Variants in ZSWIM6 observed in about 807,000 individuals in gnomAD.
ZSWIM6 encodes the protein zinc finger SWIM domain-containing protein 6.
ZSWIM6 carries 9 observed loss-of-function variants against 113.2 expected under a neutral mutation model. That is an observed-to-expected ratio of 0.08 (90% CI 0.05 to 0.14). The LOEUF is 0.14. ZSWIM6 is among the 10% of genes least tolerant of loss of function. The pLI, the probability that ZSWIM6 is intolerant of heterozygous loss-of-function variation, is 1.00. For missense variants in ZSWIM6, 1,162 were observed against 1,552.2 expected (o/e 0.75, Z 4.22); for synonymous variants, 611 against 606.5 (o/e 1.01, Z -0.11).
At chr5:61,388,901 A>T (rs1052520828) in intron 1 of ZSWIM6, among the ~76,000 whole-genome samples, 1 of 152,198 alleles carries the variant, frequency 6.6e-6, no homozygotes, top group Admixed American at 6.6e-5. Context: ...TTTTGAACTT[A>T]GTTCATGAGT....
At chr5:61,527,592 T>G (rs946811093) in intron 7 of ZSWIM6, among the ~76,000 whole-genome samples, 2 of 152,198 alleles carry the variant, frequency 1.3e-5, no homozygotes, top group African/African-American at 2.4e-5. Flanking sequence ...CACTGGTGTG[T>G]GCAAAATACA....
At chr5:61,530,243 C>T (rs1013366224) in intron 8 of ZSWIM6, 45 bp downstream of exon 8, 3 of 1,508,748 alleles carry the variant, frequency 2.0e-6, no homozygotes, top group Non-Finnish European at 2.7e-6. Context: ...TTTTTCTAAA[C>T]CCTGAATGGC....
chr5:61,540,621 T>C (rs1749702506), intron 12 of ZSWIM6, among the ~76,000 whole-genome samples: 1 of 152,166 alleles, frequency 6.6e-6, no homozygotes, highest in Admixed American at 6.5e-5. Context: ...AGATTGCTTT[T>C]AAGCTATATA....
At chr5:61,460,206 A>G (rs888386019) in intron 1 of ZSWIM6, among the ~76,000 whole-genome samples, 3 of 152,206 alleles carry the variant, frequency 2.0e-5, no homozygotes, top group African/African-American at 4.8e-5. Context: ...TCCTGGAGAA[A>G]AATCACAAAA....
intron 4 of ZSWIM6, among the ~76,000 whole-genome samples, chr5:61,511,548 G>A (rs1454484830): frequency 6.6e-6 from 1 of 152,076 alleles, no homozygotes; most frequent in Admixed American, 6.6e-5. Context: ...AGATGATAAG[G>A]GTGAAGCCCT....
intron 10 of ZSWIM6, among the ~76,000 whole-genome samples, chr5:61,538,279 A>G (rs1290157711): frequency 1.3e-5 from 2 of 152,240 alleles, no homozygotes; most frequent in Non-Finnish European, 1.5e-5. Flanking sequence ...TTGTTCAGAA[A>G]GTATGAATGG....
At chr5:61,455,013 G>A (rs1341188205) in intron 1 of ZSWIM6, among the ~76,000 whole-genome samples, 1 of 151,850 alleles carries the variant, frequency 6.6e-6, no homozygotes, top group African/African-American at 2.4e-5. Context: ...TTCTTGGGGA[G>A]TAGTATTGAG....
At chr5:61,539,960 CT>C (rs1226962685) in intron 12 of ZSWIM6, among the ~76,000 whole-genome samples, 1 of 152,034 alleles carries the variant, frequency 6.6e-6, no homozygotes, top group African/African-American at 2.4e-5. Flanking sequence ...GGTGCATGGA[CT>C]GTACATTTAG....
chr5:61,349,256 A>G (rs750596505), intron 1 of ZSWIM6, among the ~76,000 whole-genome samples: 1 of 152,206 alleles, frequency 6.6e-6, no homozygotes, highest in Non-Finnish European at 1.5e-5. Flanking sequence ...TGAAAGATGA[A>G]TCTGCTAGTT....
chr5:61,420,491 A>AT (rs35661776), intron 1 of ZSWIM6, among the ~76,000 whole-genome samples: 17,885 of 148,494 alleles, frequency 0.12, 1,106 homozygotes, highest in Middle Eastern at 0.16. Context: ...CCAGAACACA[A>AT]TTTTTTTTTT....
intron 4 of ZSWIM6, among the ~76,000 whole-genome samples, chr5:61,511,732 T>C (rs1462969266): frequency 6.6e-6 from 1 of 152,148 alleles, no homozygotes; most frequent in African/African-American, 2.4e-5. Context: ...GCAGTAAATG[T>C]TTGTTGTTTA....
At chr5:61,386,015 C>T (rs1745586001) in intron 1 of ZSWIM6, among the ~76,000 whole-genome samples, 1 of 152,176 alleles carries the variant, frequency 6.6e-6, no homozygotes, top group African/African-American at 2.4e-5. Flanking sequence ...GCACTATTGC[C>T]CAGCAATTGG....
chr5:61,332,738 T>G lies in ZSWIM6; in HGVS notation c.466T>G (p.Ser156Ala). The G allele has an allele frequency of 1.1e-6, 1 of 940,404 alleles. No homozygotes were observed. Among genetic ancestry groups the G allele is most frequent in the Non-Finnish European group, 1.2e-6 (1 of 802,486 alleles). The allele number at this position is 940,404 out of a possible 1,614,324, so 58.3% of individuals were successfully genotyped here. Reference protein sequence around the residue: ...GAGGGGGGGSSSSPAATSAAA... With the variant: ...GAGGGGGGGSASSPAATSAAA... ...GGGCGGCGGCGGCGGCGGCGGCTCC[T>G]CGTCTTCCCCGGCCGCAACCTCGGC... The change falls in exon 1 of 14, where the codon TCG (serine) becomes GCG (alanine). Residue 156 changes from serine (S) to alanine (A), a missense_variant. Around this residue, in one of 4 missense-constraint regions of ZSWIM6, gnomAD observed 333 missense variants for 293.4 expected, o/e 1.13. Transcript: ENST00000252744.
chr5:61,345,603 G>A (rs1261815509), intron 1 of ZSWIM6, among the ~76,000 whole-genome samples: 1 of 152,186 alleles, frequency 6.6e-6, no homozygotes, highest in East Asian at 1.9e-4. Context: ...GATGATTTGT[G>A]TTGTACCATG....
At chr5:61,402,196 TCAA>T (rs1745952348) in intron 1 of ZSWIM6, among the ~76,000 whole-genome samples, 1 of 152,180 alleles carries the variant, frequency 6.6e-6, no homozygotes, top group Non-Finnish European at 1.5e-5. Flanking sequence ...GTGTAAAGTA[TCAA>T]GCAGCAAATA....
intron 2 of ZSWIM6, among the ~76,000 whole-genome samples, chr5:61,487,495 C>CGTAAA (rs1748052211): frequency 6.6e-6 from 1 of 151,854 alleles, no homozygotes; most frequent in South Asian, 2.1e-4. Flanking sequence ...ATAGGGTCAT[C>CGTAAA]TTACCTATAT....
At chr5:61,500,125 T>TTATTA (rs1748426130) in intron 4 of ZSWIM6, among the ~76,000 whole-genome samples, 1 of 149,254 alleles carries the variant, frequency 6.7e-6, no homozygotes, top group South Asian at 2.1e-4. Context: ...ATTATTATTA[T>TTATTA]TATCATTATC....
intron 4 of ZSWIM6, among the ~76,000 whole-genome samples, chr5:61,510,175 C>T (rs924313066): frequency 6.6e-6 from 1 of 151,388 alleles, no homozygotes; most frequent in Non-Finnish European, 1.5e-5. Flanking sequence ...TCATCAAAAA[C>T]TTCTTCTGCT....
At chr5:61,459,358 A>T (rs1174452054) in intron 1 of ZSWIM6, among the ~76,000 whole-genome samples, 1 of 152,172 alleles carries the variant, frequency 6.6e-6, no homozygotes, top group Non-Finnish European at 1.5e-5. Flanking sequence ...AATAAAATGG[A>T]ATATATCTGT....
Sources: allele counts gnomAD v4.1 joint callset (sites outside exome capture counted in the v4.1 genomes callset), GRCh38; gene constraint gnomAD v4.1.1; regional missense constraint gnomAD v4.1.1; transcripts MANE v1.5; gene names NCBI Gene and HGNC (gene_info 2026-07-23, HGNC 2026-07-21).